Variants in SEC14L5 observed in about 807,000 individuals in gnomAD.
SEC14L5 encodes SEC14 like lipid binding 5.
Under a neutral mutation model 84.6 loss-of-function variants are expected in SEC14L5, and 96 were observed. That is an observed-to-expected ratio of 1.13 (90% confidence interval 0.96 to 1.34). The LOEUF is 1.34. Ranked by LOEUF, SEC14L5 falls within the 40% of genes most tolerant of loss-of-function variation. The pLI is 0.00. For synonymous variants in SEC14L5, 546 were observed against 383.4 expected (o/e 1.42, Z -4.95); for missense variants, 1,224 against 942.5 (o/e 1.30, Z -3.91).
intron 14 of SEC14L5, among the ~76,000 whole-genome samples, chr16:5,010,180 T>A (rs1368709499): frequency 6.2e-5 from 2 of 32,238 alleles, no homozygotes; most frequent in Non-Finnish European, 5.4e-5. Flanking sequence ...CCGTCTCTAC[T>A]AAAAATACAA....
intron 6 of SEC14L5, among the ~76,000 whole-genome samples, chr16:4,992,345 G>A (rs926858330): frequency 6.6e-6 from 1 of 152,176 alleles, no homozygotes; most frequent in African/African-American, 2.4e-5. Flanking sequence ...CCGCCCCCCG[G>A]GTTCAAGTGA....
At position 4,959,302 on chromosome 16, in the gene SEC14L5, C is replaced by T. The variant is rs1568095264; in HGVS notation, c.-22C>T. The T allele has an allele frequency of 3.1e-6, 5 of 1,607,810 alleles. No homozygotes were observed. Among genetic ancestry groups the T allele is most frequent in the Non-Finnish European group, 4.3e-6 (5 of 1,174,412 alleles). On this transcript the variant is annotated 5_prime_UTR_variant, in exon 2 of 16. Transcript: ENST00000251170. The stretch of plus-strand genomic sequence containing the variant: ...TGTGCACACCCCTGCCTGGTGACCT[C>T]CATTGGTGCTCCAGCGTGAACATGG...
At chr16:4,985,764 A>T (rs778517978) in intron 2 of SEC14L5, among the ~76,000 whole-genome samples, 1 of 150,350 alleles carries the variant, frequency 6.7e-6, no homozygotes, top group African/African-American at 2.4e-5. Flanking sequence ...TATAGATACA[A>T]TATATATTTA....
At chr16:5,011,476 C>T (rs1298292201) in intron 15 of SEC14L5, among the ~76,000 whole-genome samples, 2 of 152,176 alleles carry the variant, frequency 1.3e-5, no homozygotes, top group Non-Finnish European at 2.9e-5. Context: ...ACTCTGCTTC[C>T]GAAGCAGGGA....
chr16:4,964,169 G>T (rs1428904742), intron 2 of SEC14L5, among the ~76,000 whole-genome samples: 1 of 152,234 alleles, frequency 6.6e-6, no homozygotes, highest in Non-Finnish European at 1.5e-5. Flanking sequence ...TGGTGTCTTT[G>T]TGGAGGTCCT....
intron 8 of SEC14L5, 57 bp downstream of exon 8, chr16:4,997,101 C>T (rs1325447659): frequency 7.8e-7 from 1 of 1,281,832 alleles, no homozygotes. Context: ...GCCAAATGCA[C>T]TTTATTTATT....
In SEC14L5 at chr16:4,996,889, G is replaced by A. The variant is rs778975405; in HGVS notation, c.815G>A (p.Arg272Gln). The A allele has an allele frequency of 1.4e-5, 23 of 1,613,344 alleles. No individual in the cohort carries two copies. The highest frequency in any genetic ancestry group is 1.9e-5 in the Non-Finnish European group (23 of 1,179,722). Residue 272 changes from arginine to glutamine, a missense_variant, in exon 8 of 16, where the codon CGG (arginine) becomes CAG (glutamine). Physicochemically the swap from Arg to Gln is conservative, Grantham distance 43. Coordinates refer to ENST00000251170, the MANE Select transcript of SEC14L5 (RefSeq NM_014692.2). The part of the protein sequence containing the change: ...PKDEHILRFL[R>Q]AHDFHLDKAR... ...GATGAGCACATCCTTCGGTTCCTGC[G>A]GGCTCATGACTTCCACCTGGACAAG...
At chr16:4,996,643 C>G (rs1349899751) in intron 7 of SEC14L5, among the ~76,000 whole-genome samples, 183 bp downstream of exon 7, 2 of 151,932 alleles carry the variant, frequency 1.3e-5, no homozygotes, top group African/African-American at 4.8e-5. Context: ...TGGTGTGATC[C>G]TCACTGCAAC....
At chr16:4,990,717 A>T in intron 4 of SEC14L5, 50 bp from the exon 5 acceptor site, 1 of 1,554,452 alleles carries the variant, frequency 6.4e-7, no homozygotes, top group Admixed American at 1.9e-5. Flanking sequence ...AGGGGAGGGC[A>T]GGGTGCCCCC....
At chr16:5,011,645 C>T (rs1318188406) in intron 15 of SEC14L5, among the ~76,000 whole-genome samples, 2 of 152,184 alleles carry the variant, frequency 1.3e-5, no homozygotes, top group African/African-American at 2.4e-5. Context: ...TTTTAGACAA[C>T]CCTCCCCAAG....
rs1404577756 is a variant in SEC14L5 at position 4,988,235 on chromosome 16, G to C, written c.300G>C (p.Glu100Asp). 6.2e-7 allele frequency: 1 copy of C among 1,613,702 alleles called. No individual in the cohort carries two copies. The highest frequency in any genetic ancestry group is 8.5e-7 in the Non-Finnish European group (1 of 1,179,798). ...ERTLLIEAHNETFANRVVVNE... is the reference protein window; with the variant it reads ...ERTLLIEAHNDTFANRVVVNE... ...CGCTCCTCATCGAAGCGCACAATGA[G>C]ACCTTCGCCAACCGCGTGGTGGTGA... is the stretch of plus-strand genomic sequence containing the variant. Residue 100 changes from glutamate to aspartate, a missense_variant, in exon 4 of 16, where the codon GAG (glutamate) becomes GAC (aspartate). Transcript: ENST00000251170.
At chr16:5,003,074 A>G (rs920764537) in intron 10 of SEC14L5, among the ~76,000 whole-genome samples, 4 of 152,234 alleles carry the variant, frequency 2.6e-5, no homozygotes, top group Non-Finnish European at 4.4e-5. Flanking sequence ...GTCCTTGCAG[A>G]GAGCTTTGTA....
In SEC14L5 at chr16:4,958,387, G is replaced by T. The variant is rs1007680334; in HGVS notation, c.-110G>T. On this transcript the variant is annotated 5_prime_UTR_variant, in exon 1 of 16. Coordinates refer to ENST00000251170, the MANE Select transcript of SEC14L5 (RefSeq NM_014692.2). ...CCGGCCTTCCACAGCTGTCCTGGCC[G>T]CAGGGTGTTCAAGGCGGGACACACC... The T allele has an allele frequency of 1.3e-5, 2 of 152,674 alleles. No homozygotes were observed. The highest frequency in any genetic ancestry group is 4.8e-5 in the African/African-American group (2 of 41,456). 9.5% of individuals were successfully genotyped at this position (152,674 alleles called of 1,614,324 possible).
intron 6 of SEC14L5, among the ~76,000 whole-genome samples, chr16:4,995,128 T>C (rs920500637): frequency 6.6e-6 from 1 of 152,148 alleles, no homozygotes; most frequent in African/African-American, 2.4e-5. Flanking sequence ...TTTTCTGTTT[T>C]GGGGGTGCTG....
At chr16:5,005,881 A>C (rs1386332813) in intron 11 of SEC14L5, 33 bp from the exon 12 acceptor site, 11 of 1,511,234 alleles carry the variant, frequency 7.3e-6, no homozygotes, top group East Asian at 2.5e-5. Flanking sequence ...AAAAAAAAAA[A>C]ACCATCCATC....
rs768164120 is a variant in SEC14L5 at position 4,991,827 on chromosome 16, C to G, written c.475-11C>G. On this transcript the variant is annotated splice_polypyrimidine_tract_variant and intron_variant, in intron 5 of 15. Transcript: ENST00000251170. ...CCGTGCTCATGTGTCTTGGGTCTCTCTGGCTTCCAGGGGAAGGAGGTGATT... is the reference window on the plus strand; with the variant it reads ...CCGTGCTCATGTGTCTTGGGTCTCTGTGGCTTCCAGGGGAAGGAGGTGATT... The G allele has an allele frequency of 1.5e-5, 24 of 1,589,788 alleles. No individual in the cohort carries two copies. The highest frequency in any genetic ancestry group is 3.4e-5 in the South Asian group (3 of 87,108).
At chr16:4,976,076 C>G (rs1415181961) in intron 2 of SEC14L5, among the ~76,000 whole-genome samples, 1 of 152,158 alleles carries the variant, frequency 6.6e-6, no homozygotes, top group Admixed American at 6.5e-5. Flanking sequence ...TTGTACTTTA[C>G]AGAATCTCAC....
At chr16:4,964,151 T>TG (rs1383501125) in intron 2 of SEC14L5, among the ~76,000 whole-genome samples, 1 of 152,114 alleles carries the variant, frequency 6.6e-6, no homozygotes, top group Non-Finnish European at 1.5e-5. Flanking sequence ...AGAAGGTGTG[T>TG]GGGGTGGTGG....
chr16:4,988,116 C>A (rs1049902831), intron 3 of SEC14L5, 33 bp from the exon 4 acceptor site: 2 of 1,608,988 alleles, frequency 1.2e-6, no homozygotes, highest in Non-Finnish European at 1.7e-6. Flanking sequence ...ACGCCGCCCA[C>A]CCACCTCCGC....
Sources: gnomAD v4.1 joint callset for allele counts (sites outside exome capture counted in the v4.1 genomes callset) on GRCh38, gnomAD v4.1.1 for gene constraint, MANE v1.5 for transcripts, NCBI Gene and HGNC (gene_info 2026-07-23, HGNC 2026-07-21) for gene names.